Variants in PITPNM2 observed in about 807,000 individuals in gnomAD.
PITPNM2 encodes phosphatidylinositol transfer protein membrane associated 2.
A neutral mutation model predicts 132.2 loss-of-function variants in PITPNM2; 35 were observed. That is an observed-to-expected ratio of 0.26 (90% CI 0.20 to 0.35). The LOEUF (loss-of-function observed/expected upper bound fraction) is 0.35. PITPNM2 is among the 10% of genes least tolerant of loss of function. The pLI is 1.00. For synonymous variants in PITPNM2, 738 were observed against 799.2 expected, an observed-to-expected ratio of 0.92 and a Z score of 1.29; for missense variants, 1,332 against 1,912.0, an observed-to-expected ratio of 0.70 and a Z score of 5.66.
In PITPNM2 at chr12:123,137,087, G is replaced by T. The variant is rs894560056; in HGVS notation, c.-200+13666C>A. 1.4e-4 allele frequency among the ~76,000 whole-genome samples: 22 copies of T among 152,140 alleles called. 1 individual carries two copies. Among genetic ancestry groups the T allele is most frequent in the Non-Finnish European group, 1.5e-5 (1 of 68,020 alleles). On this transcript the variant is annotated intron_variant, in intron 1 of 25. Transcript: ENST00000320201. ...GGCAAGTGTGACTTCGTGAATGCCA[G>T]ACTGACTTTCCGCTCTGAGCCAGCC...
rs1194659496 is a variant in PITPNM2, at chr12:122,993,689, C to T, written c.2234-1020G>A. On this transcript the variant is annotated intron_variant, in intron 15 of 25. Transcript: ENST00000320201. The surrounding 1 kb of genome is among the most constrained non-coding windows in gnomAD (Gnocchi z 5.2). Reference sequence around the variant, plus strand: ...GTACTGTCCCTAAGTCTCCATGCACCTGTGTGGGACTCTGTGGGGCTGTTC... The same window carrying T: ...GTACTGTCCCTAAGTCTCCATGCACTTGTGTGGGACTCTGTGGGGCTGTTC... Among the ~76,000 whole-genome samples the T allele has an allele frequency of 1.3e-5, 2 of 152,310 alleles. No individual in the cohort carries two copies. The highest frequency in any genetic ancestry group is 1.5e-5 in the Non-Finnish European group (1 of 68,030).
intron 3 of PITPNM2, among the ~76,000 whole-genome samples, chr12:123,018,767 TTTTCC>T (rs2039548827): frequency 6.6e-6 from 1 of 150,906 alleles, no homozygotes; most frequent in Non-Finnish European, 1.5e-5. Context: ...TCTTTTCTTT[TTTTCC>T]TTTCCTTTCC....
chr12:123,125,321 G>A (rs1276338145), intron 1 of PITPNM2, among the ~76,000 whole-genome samples: 1 of 152,076 alleles, frequency 6.6e-6, no homozygotes, highest in Non-Finnish European at 1.5e-5. Context: ...TGTGAGTCTT[G>A]AATTGTTAGA....
At chr12:123,149,715 G>A (rs1184033001) in intron 1 of PITPNM2, 1 of 152,760 alleles carries the variant, frequency 6.5e-6, no homozygotes, top group Non-Finnish European at 1.5e-5. Flanking sequence ...TGGGAGTTCA[G>A]AGCAGAGAGG....
intron 5 of PITPNM2, chr12:123,010,762 C>CA (rs1388347043): frequency 6.5e-6 from 1 of 154,980 alleles, no homozygotes; most frequent in Non-Finnish European, 1.5e-5. Flanking sequence ...CCCTGAGAGC[C>CA]AAGTGGACCC....
intron 19 of PITPNM2, 59 bp downstream of exon 19, chr12:122,988,662 TGTG>T: frequency 6.8e-7 from 1 of 1,480,268 alleles, no homozygotes; most frequent in Non-Finnish European, 9.1e-7. Context: ...GTCTGTGAAA[TGTG>T]GCCCTGTCAT....
chr12:123,132,160 A>G (rs899679720), intron 1 of PITPNM2, among the ~76,000 whole-genome samples: 2 of 152,198 alleles, frequency 1.3e-5, no homozygotes, highest in Admixed American at 1.3e-4. Flanking sequence ...AAAGGTATTT[A>G]TCTTTCCACT....
At chr12:123,091,701 C>G (rs1270471037) in intron 2 of PITPNM2, 1 of 152,256 alleles carries the variant, frequency 6.6e-6, no homozygotes, top group African/African-American at 2.4e-5. Flanking sequence ...CCCAGATGGG[C>G]CACACTGATA....
In PITPNM2 at chr12:123,004,410, CTCA is replaced by C. The variant is rs749017843; in HGVS notation, c.1029_1031del (p.Asp343del). On this transcript the variant is annotated inframe_deletion, in exon 8 of 26. Coordinates refer to ENST00000320201, the MANE Select transcript of PITPNM2 (RefSeq NM_020845.3). This position sits in a 1 kb window ranked among gnomAD's most constrained non-coding sequence, Gnocchi z 4.9. ...CCTGCCTACCGTGCGCATCGAAGAA[CTCA>C]TCATCTGAGCTCTCATCCGAGTCCC... 17 of 1,613,956 alleles carry C rather than the reference CTCA, an allele frequency of 1.1e-5. No individual in the cohort carries two copies. The South Asian group carries it at 1.9e-4, about 18-fold the overall frequency.
intron 3 of PITPNM2, among the ~76,000 whole-genome samples, chr12:123,016,643 G>T (rs1461592937): frequency 6.6e-6 from 1 of 152,062 alleles, no homozygotes; most frequent in Non-Finnish European, 1.5e-5. Flanking sequence ...CATTAAGGTG[G>T]TTAGTATTCA....
chr12:123,009,978 A>T lies in PITPNM2; in HGVS notation c.515T>A (p.Leu172Gln). ...FQSTKTQRGP[L>Q]SENWIEEYKK... ...GTACTCCTCGATCCAGTTCTCGGAC[A>T]GGGGCCCCCGCTGGGTCTTGGTTGA... Residue 172 changes from leucine to glutamine, a missense_variant, in exon 6 of 26, where the codon CTG becomes CAG. By Grantham distance (113) the Leu-to-Gln change is moderately radical (BLOSUM62 -2). Around this residue, in one of 6 missense-constraint regions of PITPNM2, gnomAD observed 122 missense variants for 209.6 expected, o/e 0.58. Transcript: ENST00000320201. The surrounding 1 kb of genome is among the most constrained non-coding windows in gnomAD (Gnocchi z 4.8). 1 of 1,614,174 alleles carries T rather than the reference A, an allele frequency of 6.2e-7. No individual in the cohort carries two copies. Among genetic ancestry groups the T allele is most frequent in the Non-Finnish European group, 8.5e-7 (1 of 1,180,026 alleles).
chr12:122,995,679 G>A lies in PITPNM2; in HGVS notation c.1783-19C>T. 1 of 1,568,200 alleles carries A rather than the reference G, an allele frequency of 6.4e-7. No individual in the cohort carries two copies. The highest frequency in any genetic ancestry group is 8.6e-7 in the Non-Finnish European group (1 of 1,160,450). On this transcript the variant is annotated intron_variant, in intron 13 of 25. Coordinates refer to ENST00000320201, the MANE Select transcript of PITPNM2 (RefSeq NM_020845.3). Reference sequence around the variant, plus strand: ...CATTGTCCTGGAACGGCCCCGTGGAGGCTCACTGCCAGGTGGCCGCTGGCC... The same window carrying A: ...CATTGTCCTGGAACGGCCCCGTGGAAGCTCACTGCCAGGTGGCCGCTGGCC...
At chr12:123,020,987 C>T (rs1488569450) in intron 3 of PITPNM2, among the ~76,000 whole-genome samples, 1 of 147,672 alleles carries the variant, frequency 6.8e-6, no homozygotes, top group East Asian at 2.0e-4. Flanking sequence ...TGAGATCATG[C>T]CATTGCACTA....
intron 13 of PITPNM2, among the ~76,000 whole-genome samples, chr12:122,996,154 T>C (rs1053751025): frequency 2.0e-5 from 3 of 152,172 alleles, no homozygotes; most frequent in Admixed American, 6.5e-5. Context: ...GGCACTTTCC[T>C]TGACTCTTTG....
chr12:123,048,400 G>A (rs1046468694), intron 2 of PITPNM2, among the ~76,000 whole-genome samples: 3 of 146,654 alleles, frequency 2.0e-5, no homozygotes, highest in Non-Finnish European at 4.5e-5. Flanking sequence ...GGTAGTTAGT[G>A]TTTTTTTTTT....
At chr12:123,062,780 T>C (rs2041288067) in intron 2 of PITPNM2, among the ~76,000 whole-genome samples, 1 of 152,210 alleles carries the variant, frequency 6.6e-6, no homozygotes, top group Non-Finnish European at 1.5e-5. Context: ...TGGTTTTCAG[T>C]GTGCTGGATT....
chr12:123,007,959 A>C (rs1322407281), intron 6 of PITPNM2, among the ~76,000 whole-genome samples: 1 of 152,174 alleles, frequency 6.6e-6, no homozygotes, highest in Non-Finnish European at 1.5e-5. Flanking sequence ...TAGTACTCAC[A>C]GTTGTCATCA....
chr12:123,074,532 C>T (rs1270615568), intron 2 of PITPNM2, among the ~76,000 whole-genome samples: 3 of 151,858 alleles, frequency 2.0e-5, no homozygotes, highest in Non-Finnish European at 2.9e-5. Flanking sequence ...AACACACACT[C>T]ACATATACAC....
intron 2 of PITPNM2, chr12:123,075,664 G>C (rs2041762191): frequency 6.6e-6 from 1 of 152,186 alleles, no homozygotes; most frequent in Non-Finnish European, 1.5e-5. Flanking sequence ...GGCGGCCCAG[G>C]CTCCCACCTC....
Sources: gnomAD v4.1 joint callset for allele counts (sites outside exome capture counted in the v4.1 genomes callset) on GRCh38, gnomAD v4.1.1 for gene constraint, gnomAD v4.1.1 regional missense constraint, Gnocchi (gnomAD v3.1) non-coding constraint, MANE v1.5 for transcripts, NCBI Gene and HGNC (gene_info 2026-07-23, HGNC 2026-07-21) for gene names.